MAP4K4: variants seen among roughly 807,000 people sequenced by gnomAD.
MAP4K4 encodes the protein HPK/GCK-like kinase HGK.
In MAP4K4, 38 loss-of-function variants were observed where a neutral mutation model predicts 189.6. The ratio of observed to expected loss-of-function variants is 0.20; its 90% CI spans 0.15 to 0.26. MAP4K4 has a LOEUF of 0.26. Among genes scored for constraint, MAP4K4 ranks in the 10% least tolerant of loss-of-function variants. The pLI is 1.00. For synonymous variants in MAP4K4, 610 were observed against 624.3 expected (o/e 0.98, Z 0.34); for missense variants, 1,054 against 1,726.9 (o/e 0.61, Z 6.91).
In MAP4K4 at chr2:101,885,640, CTG is replaced by C. The variant is rs1292603099; in HGVS notation, c.3621+357_3621+358del. ...TTTAGATGTGTTTTTGATAACAAAACTGTGTCTATCGGGCAGTTTTAAGATAT... is the reference window on the plus strand; with the variant it reads ...TTTAGATGTGTTTTTGATAACAAAACTGTCTATCGGGCAGTTTTAAGATAT... On this transcript the variant is annotated intron_variant, in intron 29 of 32. Transcript: ENST00000324219. 6.6e-5 allele frequency among the ~76,000 whole-genome samples: 10 copies of C among 152,286 alleles called. No individual in the cohort carries two copies. In the South Asian group the frequency reaches 1.4e-3, roughly 22 times the overall value.
intron 2 of MAP4K4, among the ~76,000 whole-genome samples, chr2:101,772,568 AAAG>A (rs1403049514): frequency 2.9e-4 from 44 of 152,360 alleles, no homozygotes; most frequent in African/African-American, 1.0e-3. Flanking sequence ...AAAGGATGAG[AAAG>A]AAAAGTTATC....
intron 30 of MAP4K4, 38 bp from the exon 31 acceptor site, chr2:101,887,740 A>G (rs761788325): frequency 1.3e-6 from 2 of 1,556,716 alleles, no homozygotes; most frequent in South Asian, 1.2e-5. Flanking sequence ...GGAAATAACC[A>G]CAGACGTTCT....
chr2:101,870,471 A>G, intron 23 of MAP4K4, 56 bp downstream of exon 23: 1 of 1,601,178 alleles, frequency 6.2e-7, no homozygotes, highest in Non-Finnish European at 8.5e-7. Flanking sequence ...TCATTAACCC[A>G]CTTGCTCATT....
chr2:101,843,846 G>A (rs1199774856), intron 11 of MAP4K4, among the ~76,000 whole-genome samples: 3 of 152,114 alleles, frequency 2.0e-5, no homozygotes, highest in South Asian at 2.1e-4. Flanking sequence ...ATTGTTACGC[G>A]AATCCTAAAT....
intron 2 of MAP4K4, among the ~76,000 whole-genome samples, chr2:101,783,056 C>T (rs1387008806): frequency 1.3e-5 from 2 of 151,954 alleles, no homozygotes; most frequent in African/African-American, 4.8e-5. Context: ...TAAGAAAATT[C>T]GGAAAGGGGA....
chr2:101,822,177 C>A (rs931013664), intron 3 of MAP4K4, among the ~76,000 whole-genome samples: 2 of 152,072 alleles, frequency 1.3e-5, no homozygotes, highest in Non-Finnish European at 2.9e-5. Context: ...GTAAACAAAC[C>A]ACTAACATAG....
intron 2 of MAP4K4, among the ~76,000 whole-genome samples, chr2:101,773,971 A>G (rs909023374): frequency 7.9e-5 from 12 of 152,218 alleles, no homozygotes; most frequent in Non-Finnish European, 1.3e-4. Context: ...ATTAATGGAC[A>G]CTTAGGTTGC....
chr2:101,800,812 T>C (rs2094292109), intron 3 of MAP4K4, among the ~76,000 whole-genome samples: 1 of 152,210 alleles, frequency 6.6e-6, no homozygotes, highest in South Asian at 2.1e-4. Flanking sequence ...AGATTAATTA[T>C]GCTTTAGGAA....
In MAP4K4 at chr2:101,822,483, A is replaced by G. The variant is rs147506081; in HGVS notation, c.181-1445A>G. Among the ~76,000 whole-genome samples the G allele has an allele frequency of 2.3e-3, 347 of 152,354 alleles. 2 individuals carry two copies. The highest frequency in any genetic ancestry group is 8.0e-3 in the African/African-American group (331 of 41,592). On this transcript the variant is annotated intron_variant, in intron 3 of 32. Coordinates refer to ENST00000324219, the Ensembl canonical transcript of MAP4K4. The stretch of plus-strand genomic sequence containing the variant: ...CTAAGATGACTACATGTCTTGTTAT[A>G]CATTTGTTTTCTAAAGCAGTAATGT...
At chr2:101,722,092 A>G (rs2052501966) in intron 2 of MAP4K4, among the ~76,000 whole-genome samples, 1 of 152,312 alleles carries the variant, frequency 6.6e-6, no homozygotes, top group South Asian at 2.1e-4. Context: ...AAAGTATGGT[A>G]GAGGCTCTCA....
At position 101,871,490 on chromosome 2, in the gene MAP4K4, A is replaced by G. The variant is rs1430407079; in HGVS notation, c.2761-4A>G. 3 of 1,529,586 alleles carry G rather than the reference A, an allele frequency of 2.0e-6. No individual in the cohort carries two copies. Among genetic ancestry groups the G allele is most frequent in the Non-Finnish European group, 1.8e-6 (2 of 1,142,410 alleles). 94.8% of individuals were successfully genotyped at this position (1,529,586 alleles called of 1,614,324 possible). A position where few individuals can be genotyped will look rare whatever the true frequency, so the allele number is the denominator to read the frequency against. ...CGAGACAAGTGTGCCTGTTTTTTCT[A>G]CAGAGTACAGTTGACCAAAAGCGTG... On this transcript the variant is annotated splice_region_variant and splice_polypyrimidine_tract_variant and intron_variant, in intron 23 of 32. Transcript: ENST00000324219.
At chr2:101,886,724 T>A (rs1282614657) in intron 29 of MAP4K4, among the ~76,000 whole-genome samples, 1 of 152,166 alleles carries the variant, frequency 6.6e-6, no homozygotes, top group Non-Finnish European at 1.5e-5. Context: ...GTATGTTGGG[T>A]CTTCTCTAGT....
intron 2 of MAP4K4, among the ~76,000 whole-genome samples, chr2:101,745,448 A>AAAAG (rs1553418082): frequency 3.4e-5 from 5 of 147,316 alleles, no homozygotes; most frequent in South Asian, 2.1e-4. Flanking sequence ...TAAAAAAAAA[A>AAAAG]AAAAAAAAAA....
intron 24 of MAP4K4, 34 bp downstream of exon 24, chr2:101,871,719 G>A (rs1388078833): frequency 2.6e-6 from 4 of 1,527,368 alleles, no homozygotes; most frequent in Non-Finnish European, 3.5e-6. Flanking sequence ...TGCTTTCCTG[G>A]GGTTAGACCA....
intron 2 of MAP4K4, among the ~76,000 whole-genome samples, chr2:101,788,074 G>T (rs2091991481): frequency 6.6e-6 from 1 of 151,354 alleles, no homozygotes; most frequent in Non-Finnish European, 1.5e-5. Flanking sequence ...AAAGTTCTGG[G>T]ATTATAGGCA....
chr2:101,861,208 T>C (rs974075539), intron 16 of MAP4K4: 1 of 388,950 alleles, frequency 2.6e-6, no homozygotes, highest in Non-Finnish European at 4.5e-6. Context: ...GTATCTAGAG[T>C]GAGTGATTTC....
chr2:101,831,926 T>C, intron 7 of MAP4K4, 75 bp downstream of exon 7: 1 of 1,524,660 alleles, frequency 6.6e-7, no homozygotes, highest in Non-Finnish European at 8.9e-7. Flanking sequence ...GCTTATAAAT[T>C]GCACACCCCT....
intron 2 of MAP4K4, among the ~76,000 whole-genome samples, chr2:101,715,354 G>A (rs1221114982): frequency 6.6e-6 from 1 of 152,168 alleles, no homozygotes; most frequent in Non-Finnish European, 1.5e-5. Flanking sequence ...CTGGAGATGA[G>A]AGTTTCAACA....
intron 9 of MAP4K4, among the ~76,000 whole-genome samples, chr2:101,838,884 A>G (rs964807125): frequency 3.9e-5 from 6 of 152,248 alleles, no homozygotes; most frequent in African/African-American, 1.4e-4. Flanking sequence ...ACAAAAATTT[A>G]TTCCATACCT....
Sources: gnomAD v4.1 joint callset for allele counts (sites outside exome capture counted in the v4.1 genomes callset) on GRCh38, gnomAD v4.1.1 for gene constraint, MANE v1.5 for transcripts, NCBI Gene and HGNC (gene_info 2026-07-23, HGNC 2026-07-21) for gene names.